The following CEP97 variants were observed in gnomAD, a reference collection of about 807,000 sequenced individuals.
The protein encoded by CEP97 is centrosomal protein 97, also known as centrosomal protein of 97 kDa.
In CEP97, 43 loss-of-function variants were observed where a neutral mutation model predicts 73.1. The observed-to-expected ratio is 0.59, with a 90% CI of 0.46 to 0.76. CEP97 has a LOEUF of 0.76. CEP97 is among the 30% of genes least tolerant of loss of function. The pLI, the probability that CEP97 is intolerant of heterozygous loss-of-function variation, is 0.00. For synonymous variants in CEP97, 337 were observed against 370.0 expected, an observed-to-expected ratio of 0.91 and a Z score of 1.02; for missense variants, 939 against 1,014.0, an observed-to-expected ratio of 0.93 and a Z score of 1.00.
intron 1 of CEP97, among the ~76,000 whole-genome samples, chr3:101,725,745 C>A (rs1490246092): frequency 6.6e-6 from 1 of 152,170 alleles, no homozygotes; most frequent in Non-Finnish European, 1.5e-5. Flanking sequence ...TCTGGCCCCG[C>A]CCTCTTTGGA....
intron 1 of CEP97, among the ~76,000 whole-genome samples, chr3:101,725,080 C>G (rs1367296414): frequency 6.6e-6 from 1 of 152,232 alleles, no homozygotes; most frequent in Non-Finnish European, 1.5e-5. Context: ...GGATCTCCCT[C>G]TTTCGCTTCA....
rs1939386514 is a variant in CEP97 at position 101,768,911 on chromosome 3, T to C, written c.*3360T>C. ...TAGTTTGATTTTATAGGTTTAATTA[T>C]AAAAGGCTTCACAATATGCATGTTT... is the stretch of plus-strand genomic sequence containing the variant. On this transcript the variant is annotated 3_prime_UTR_variant, in exon 11 of 11. Coordinates refer to ENST00000341893, the MANE Select transcript of CEP97 (RefSeq NM_024548.4). The C allele has an allele frequency of 1.3e-5, 2 of 152,220 alleles. No homozygotes were observed. The highest frequency in any genetic ancestry group is 4.8e-5 in the African/African-American group (2 of 41,448). The allele number at this position is 152,220 out of a possible 1,614,324, so 9.4% of individuals were successfully genotyped here. A position where few individuals can be genotyped will look rare whatever the true frequency, so the allele number is the denominator to read the frequency against.
At chr3:101,741,092 C>T (rs1458152121) in intron 6 of CEP97, among the ~76,000 whole-genome samples, 1 of 152,162 alleles carries the variant, frequency 6.6e-6, no homozygotes, top group African/African-American at 2.4e-5. Flanking sequence ...ACAAATGGAA[C>T]AGAACAGACG....
At chr3:101,764,412 G>C (rs2107195791) in intron 10 of CEP97, among the ~76,000 whole-genome samples, 1 of 152,248 alleles carries the variant, frequency 6.6e-6, no homozygotes, top group Non-Finnish European at 1.5e-5. Flanking sequence ...AGGAGTTTGA[G>C]ACCAGCCTGA....
chr3:101,757,996 G>C lies in CEP97; in HGVS notation c.1390G>C (p.Val464Leu). ...TTTATGGGCTGCAAATGAGAATTCT[G>C]TTCAAATGATGAGAAGTGAAATCAA... ...QPLWAANENS[V>L]QMMRSEINTE... The change falls in exon 9 of 11, where the codon GTT becomes CTT. Residue 464 changes from valine to leucine, a missense_variant. Val to Leu is a conservative substitution (Grantham distance 32). Transcript: ENST00000341893. The C allele has an allele frequency of 6.2e-7, 1 of 1,614,174 alleles. No individual in the cohort carries two copies.
At chr3:101,734,952 C>G (rs541662725) in intron 6 of CEP97, among the ~76,000 whole-genome samples, 2 of 152,236 alleles carry the variant, frequency 1.3e-5, no homozygotes, top group East Asian at 3.9e-4. Flanking sequence ...AGCTGTGTGG[C>G]CTTGTCAAGT....
intron 4 of CEP97, among the ~76,000 whole-genome samples, chr3:101,731,578 A>G (rs1044617861): frequency 2.0e-5 from 3 of 152,344 alleles, no homozygotes; most frequent in Admixed American, 2.0e-4. Flanking sequence ...ATCTCACAGC[A>G]TGCCTAGTTG....
chr3:101,745,572 C>CT (rs77325059), intron 6 of CEP97, among the ~76,000 whole-genome samples: 287 of 143,808 alleles, frequency 2.0e-3, no homozygotes, highest in African/African-American at 3.3e-3. Context: ...AGCCAATATC[C>CT]TTTTTTTTTT....
In CEP97 at chr3:101,765,091, CA is replaced by C; in HGVS notation, c.2139del (p.Leu714CysfsTer19). 1 of 1,614,146 alleles carries C rather than the reference CA, an allele frequency of 6.2e-7. No individual in the cohort carries two copies. The highest frequency in any genetic ancestry group is 8.5e-7 in the Non-Finnish European group (1 of 1,180,026). ...TCCTCTCTAACAGAACAAGTTCATT[CA>C]TTGCAGCATTCTTTGGATTTTGAGA... is the stretch of plus-strand genomic sequence containing the variant. ...FHSSLTEQVH[S>X]LQHSLDFEKS... On this transcript the variant is annotated frameshift_variant, in exon 11 of 11. Coordinates refer to ENST00000341893, the MANE Select transcript of CEP97 (RefSeq NM_024548.4). LOFTEE classifies it low-confidence loss of function (END_TRUNC).
intron 6 of CEP97, among the ~76,000 whole-genome samples, chr3:101,739,934 C>A: frequency 6.6e-6 from 1 of 150,668 alleles, no homozygotes. Flanking sequence ...CCCCTTCATG[C>A]TAAAAACTCT....
intron 10 of CEP97, 56 bp downstream of exon 10, chr3:101,762,616 C>T: frequency 7.5e-7 from 1 of 1,329,740 alleles, no homozygotes; most frequent in Non-Finnish European, 1.1e-6. Context: ...ATTCTATATT[C>T]ATTGAGATAA....
Position 101,758,017 on chromosome 3 carries a change from A to G in CEP97, c.1411A>G (p.Ile471Val). The G allele has an allele frequency of 6.2e-7, 1 of 1,614,246 alleles. No individual in the cohort carries two copies. Among genetic ancestry groups the G allele is most frequent in the Non-Finnish European group, 8.5e-7 (1 of 1,180,050 alleles). Residue 471 changes from isoleucine (I) to valine (V), a missense_variant, in exon 9 of 11, where the codon ATC becomes GTC. By Grantham distance (29) the Ile-to-Val change is conservative. Coordinates refer to ENST00000341893, the MANE Select transcript of CEP97 (RefSeq NM_024548.4). ...ENSVQMMRSE[I>V]NTEVNEKAGL... The stretch of plus-strand genomic sequence containing the variant: ...TTCTGTTCAAATGATGAGAAGTGAA[A>G]TCAATACAGAGGTAAATGAGAAAGC...
intron 1 of CEP97, among the ~76,000 whole-genome samples, chr3:101,725,341 G>A (rs2108362978): frequency 6.6e-6 from 1 of 152,250 alleles, no homozygotes; most frequent in South Asian, 2.1e-4. Flanking sequence ...CTACCTCTTT[G>A]GGGCGCCGGA....
At position 101,769,851 on chromosome 3, in the gene CEP97, T is replaced by C. The variant is rs907554839; in HGVS notation, c.*4300T>C. ...CAAGCTTGTTGTGCCATATTAAAAT[T>C]AAAAGTCAAATAAACAAAGCAGTCC... On this transcript the variant is annotated 3_prime_UTR_variant, in exon 11 of 11. Coordinates refer to ENST00000341893, the MANE Select transcript of CEP97 (RefSeq NM_024548.4). The C allele has an allele frequency of 2.6e-5, 4 of 152,186 alleles. No individual in the cohort carries two copies. Among genetic ancestry groups the C allele is most frequent in the Non-Finnish European group, 4.4e-5 (3 of 68,020 alleles). The allele number at this position is 152,186 out of a possible 1,614,324, so 9.4% of individuals were successfully genotyped here.
chr3:101,767,700 T>C lies in CEP97; in HGVS notation c.*2149T>C, dbSNP rs895755768. ...ACAAATAGTACTCAGCATACTTTCA[T>C]TAAAAATTTGGCACAATATGATAAT... On this transcript the variant is annotated 3_prime_UTR_variant, in exon 11 of 11. Transcript: ENST00000341893. 1.3e-5 allele frequency: 2 copies of C among 152,228 alleles called. No homozygotes were observed. The highest frequency in any genetic ancestry group is 2.9e-5 in the Non-Finnish European group (2 of 68,026). 9.4% of individuals were successfully genotyped at this position (152,228 alleles called of 1,614,324 possible). A position where few individuals can be genotyped will look rare whatever the true frequency, so the allele number is the denominator to read the frequency against.
intron 4 of CEP97, among the ~76,000 whole-genome samples, chr3:101,731,337 A>G (rs1023655712): frequency 1.3e-5 from 2 of 151,596 alleles, no homozygotes; most frequent in African/African-American, 4.8e-5. Context: ...AGTAGCTGGA[A>G]ATACAGGTGC....
Position 101,767,818 on chromosome 3 carries a change from A to G in CEP97, c.*2267A>G, listed in dbSNP as rs1051851146. 4 of 152,234 alleles carry G rather than the reference A, an allele frequency of 2.6e-5. No homozygotes were observed. Among genetic ancestry groups the G allele is most frequent in the African/African-American group, 9.6e-5 (4 of 41,460 alleles). The allele number at this position is 152,234 out of a possible 1,614,324, so 9.4% of individuals were successfully genotyped here. On this transcript the variant is annotated 3_prime_UTR_variant, in exon 11 of 11. Coordinates refer to ENST00000341893, the MANE Select transcript of CEP97 (RefSeq NM_024548.4). ...TAAATAGCCCCTTCCTTAACTGTAC[A>G]TATTATCTTGAATGTAGATAAAATG...
At chr3:101,739,936 A>G (rs1021540537) in intron 6 of CEP97, among the ~76,000 whole-genome samples, 34 of 151,768 alleles carry the variant, frequency 2.2e-4, no homozygotes, top group African/African-American at 8.0e-4. Flanking sequence ...CCTTCATGCT[A>G]AAAACTCTCA....
chr3:101,741,956 C>A (rs536327685), intron 6 of CEP97, among the ~76,000 whole-genome samples: 1 of 151,494 alleles, frequency 6.6e-6, no homozygotes, highest in East Asian at 1.9e-4. Flanking sequence ...GCAGGAGAGT[C>A]GCTTGAGCCC....
Sources: gnomAD v4.1 joint callset for allele counts (sites outside exome capture counted in the v4.1 genomes callset) on GRCh38, gnomAD v4.1.1 for gene constraint, MANE v1.5 for transcripts, NCBI Gene and HGNC (gene_info 2026-07-23, HGNC 2026-07-21) for gene names.